The following CCDC68 variants were observed in gnomAD, a reference collection of about 807,000 sequenced individuals.
CCDC68 encodes coiled-coil domain-containing protein 68.
A neutral mutation model predicts 47.1 loss-of-function variants in CCDC68; 45 were observed. The ratio of observed to expected loss-of-function variants is 0.96; its 90% CI spans 0.75 to 1.23. The LOEUF (loss-of-function observed/expected upper bound fraction) is 1.23, where lower values mean the gene tolerates loss of function less well. CCDC68 is among the 50% of genes most tolerant of loss of function. The probability of loss-of-function intolerance (pLI) is 0.00; values close to 1 mark genes in which losing one functional copy is unlikely to be tolerated. For synonymous variants in CCDC68, 131 were observed against 129.5 expected (o/e 1.01, Z -0.08); for missense variants, 353 against 373.6 (o/e 0.94, Z 0.45).
chr18:54,958,690 C>G (rs2044752900), intron 1 of CCDC68, among the ~76,000 whole-genome samples: 1 of 152,194 alleles, frequency 6.6e-6, no homozygotes, highest in Non-Finnish European at 1.5e-5. Context: ...CTAAAAACTA[C>G]ACTTGCACGG....
At chr18:54,936,388 T>C (rs1389979337) in intron 6 of CCDC68, among the ~76,000 whole-genome samples, 1 of 151,484 alleles carries the variant, frequency 6.6e-6, no homozygotes, top group Non-Finnish European at 1.5e-5. Flanking sequence ...CCGAAGTATC[T>C]ATCCTAAGAC....
chr18:54,953,221 A>G (rs1310364744), intron 1 of CCDC68, among the ~76,000 whole-genome samples: 3 of 152,200 alleles, frequency 2.0e-5, no homozygotes, highest in Non-Finnish European at 2.9e-5. Context: ...AAAGGAACAC[A>G]TAGGACTTTG....
chr18:54,917,568 C>T (rs2043976439), intron 10 of CCDC68, among the ~76,000 whole-genome samples: 1 of 152,130 alleles, frequency 6.6e-6, no homozygotes, highest in South Asian at 2.1e-4. Context: ...CTTTTAAACA[C>T]TTCATAATTT....
intron 11 of CCDC68, among the ~76,000 whole-genome samples, chr18:54,905,464 G>GA (rs145728506): frequency 0.042 from 4,501 of 108,372 alleles, 220 homozygotes; most frequent in African/African-American, 0.14. Context: ...AAGTAAAAAA[G>GA]AAAAAACCTT....
intron 4 of CCDC68, among the ~76,000 whole-genome samples, chr18:54,938,401 CA>C (rs1352272916): frequency 6.6e-6 from 1 of 152,208 alleles, no homozygotes; most frequent in East Asian, 1.9e-4. Flanking sequence ...CAAGGCCAGA[CA>C]TTTTTTTAAA....
chr18:54,958,505 A>G (rs1046493732), intron 1 of CCDC68, among the ~76,000 whole-genome samples: 2 of 152,208 alleles, frequency 1.3e-5, no homozygotes, highest in Non-Finnish European at 2.9e-5. Flanking sequence ...TCCGAACTAT[A>G]TACACCAAGA....
intron 7 of CCDC68, among the ~76,000 whole-genome samples, chr18:54,932,663 C>T (rs960017352): frequency 6.6e-6 from 1 of 152,162 alleles, no homozygotes; most frequent in Non-Finnish European, 1.5e-5. Flanking sequence ...CTTCCTTTGT[C>T]CAAGATCTCC....
intron 10 of CCDC68, 120 bp from the exon 11 acceptor site, chr18:54,907,982 T>C: frequency 3.0e-6 from 2 of 663,178 alleles, no homozygotes; most frequent in Non-Finnish European, 5.5e-6. Flanking sequence ...TTATTGCAGT[T>C]ATGCTATAGA....
intron 7 of CCDC68, among the ~76,000 whole-genome samples, chr18:54,929,350 T>C (rs911328933): frequency 2.0e-5 from 3 of 152,206 alleles, no homozygotes; most frequent in Non-Finnish European, 4.4e-5. Context: ...ATGTTTTTGA[T>C]GAAGGATCAA....
At chr18:54,949,885 A>T (rs571066247) in intron 1 of CCDC68, among the ~76,000 whole-genome samples, 2 of 152,298 alleles carry the variant, frequency 1.3e-5, no homozygotes, top group African/African-American at 4.8e-5. Context: ...GGAGTCTCTG[A>T]CACAGAGTGG....
rs1913687124 is a variant in CCDC68, at chr18:54,901,634, A to G, written c.*2724T>C. The G allele has an allele frequency of 6.6e-6, 1 of 152,234 alleles. No individual in the cohort carries two copies. Among genetic ancestry groups the G allele is most frequent in the Non-Finnish European group, 1.5e-5 (1 of 68,032 alleles). The allele number at this position is 152,234 out of a possible 1,614,324, so 9.4% of individuals were successfully genotyped here. ...AAAGATATACTATACTAATTGTTTAAACATTTTATAATGATAATTTGTAAC... is the reference window on the plus strand; with the variant it reads ...AAAGATATACTATACTAATTGTTTAGACATTTTATAATGATAATTTGTAAC... On this transcript the variant is annotated 3_prime_UTR_variant, in exon 12 of 12. Coordinates refer to ENST00000591504, the MANE Select transcript of CCDC68 (RefSeq NM_025214.3).
chr18:54,925,126 A>G (rs181052176), intron 8 of CCDC68, among the ~76,000 whole-genome samples: 1 of 152,330 alleles, frequency 6.6e-6, no homozygotes, highest in East Asian at 1.9e-4. Context: ...GACTCAGAAA[A>G]CTAATCATCA....
At position 54,903,327 on chromosome 18, in the gene CCDC68, T is replaced by A. The variant is rs898829970; in HGVS notation, c.*1031A>T. ...TGAAGTTTGTTCTTTCCTGACTGTA[T>A]GTCTGCATTTCTGCAAGTCAGAATT... On this transcript the variant is annotated 3_prime_UTR_variant, in exon 12 of 12. Coordinates refer to ENST00000591504, the MANE Select transcript of CCDC68 (RefSeq NM_025214.3). 2.0e-5 allele frequency: 3 copies of A among 152,226 alleles called. No homozygotes were observed. The highest frequency in any genetic ancestry group is 1.3e-4 in the Admixed American group (2 of 15,284). The allele number at this position is 152,226 out of a possible 1,614,324, so 9.4% of individuals were successfully genotyped here. A position where few individuals can be genotyped will look rare whatever the true frequency, so the allele number is the denominator to read the frequency against.
chr18:54,929,729 T>C (rs972462430), intron 7 of CCDC68, among the ~76,000 whole-genome samples: 2 of 152,200 alleles, frequency 1.3e-5, no homozygotes, highest in Admixed American at 6.5e-5. Flanking sequence ...TACTTCCCGC[T>C]GCAGCATCTG....
chr18:54,919,507 A>G (rs930011763), intron 8 of CCDC68, 131 bp from the exon 9 acceptor site: 6 of 681,368 alleles, frequency 8.8e-6, no homozygotes, highest in Non-Finnish European at 1.6e-5. Flanking sequence ...CCGGGGCCCC[A>G]TTATGCCACA....
intron 3 of CCDC68, 74 bp from the exon 4 acceptor site, chr18:54,941,157 C>T: frequency 1.1e-6 from 1 of 921,828 alleles, no homozygotes; most frequent in Non-Finnish European, 1.8e-6. Context: ...ATACCAGTTA[C>T]AGGGTACCTG....
intron 1 of CCDC68, among the ~76,000 whole-genome samples, chr18:54,950,691 T>C (rs181008999): frequency 4.6e-5 from 7 of 151,614 alleles, no homozygotes; most frequent in African/African-American, 1.2e-4. Flanking sequence ...TATATAAATA[T>C]GTACTATTGA....
chr18:54,918,686 G>C (rs1038687463), intron 9 of CCDC68, among the ~76,000 whole-genome samples: 1 of 152,152 alleles, frequency 6.6e-6, no homozygotes, highest in Non-Finnish European at 1.5e-5. Flanking sequence ...GTATTTGGGA[G>C]GACTTGTATT....
intron 10 of CCDC68, among the ~76,000 whole-genome samples, chr18:54,908,873 C>T (rs1914170330): frequency 6.6e-6 from 1 of 152,060 alleles, no homozygotes; most frequent in African/African-American, 2.4e-5. Context: ...CTATGCCTGG[C>T]TAATTTTTGT....
Sources: allele counts gnomAD v4.1 joint callset (sites outside exome capture counted in the v4.1 genomes callset), GRCh38; gene constraint gnomAD v4.1.1; transcripts MANE v1.5; gene names NCBI Gene and HGNC (gene_info 2026-07-23, HGNC 2026-07-21).